Variants in SYNDIG1 observed in about 807,000 individuals in gnomAD.
The protein encoded by SYNDIG1 is synapse differentiation-inducing gene protein 1.
In SYNDIG1, 9 loss-of-function variants were observed where a neutral mutation model predicts 19.4. The observed-to-expected ratio is 0.46, with a 90% CI of 0.28 to 0.81. The LOEUF (loss-of-function observed/expected upper bound fraction) is 0.81. Among genes scored for constraint, SYNDIG1 ranks in the 30% least tolerant of loss-of-function variants. The probability of loss-of-function intolerance (pLI) is 0.12; values close to 1 mark genes in which losing one functional copy is unlikely to be tolerated. For missense variants in SYNDIG1, 311 were observed against 343.3 expected (o/e 0.91, Z 0.74); for synonymous variants, 141 against 145.9 (o/e 0.97, Z 0.24).
intron 3 of SYNDIG1, among the ~76,000 whole-genome samples, chr20:24,657,410 A>G (rs2059537753): frequency 6.6e-6 from 1 of 152,126 alleles, no homozygotes; most frequent in Non-Finnish European, 1.5e-5. Flanking sequence ...AGTGATTCAG[A>G]CCAGCAGGAG....
chr20:24,488,400 C>T (rs1211846436), intron 1 of SYNDIG1, among the ~76,000 whole-genome samples: 1 of 152,346 alleles, frequency 6.6e-6, no homozygotes, highest in East Asian at 1.9e-4. Context: ...CCCCACTTCT[C>T]TTCAGTGCTC....
intron 1 of SYNDIG1, among the ~76,000 whole-genome samples, chr20:24,528,253 A>G (rs914541064): frequency 2.6e-5 from 4 of 152,202 alleles, no homozygotes; most frequent in Non-Finnish European, 5.9e-5. Context: ...TTTCATTTGT[A>G]AAGTATCCTA....
rs73343366 is a variant in SYNDIG1 at position 24,546,848 on chromosome 20, T to C, written c.480+3271T>C. ...ACTACTGAAACAAAAGAACAGTGAA[T>C]ACTGATCTGAGCTCTTTCCAGAAGG... On this transcript the variant is annotated intron_variant, in intron 2 of 3. Transcript: ENST00000376862. Among the ~76,000 whole-genome samples, 479 of 151,992 alleles carry C rather than the reference T, an allele frequency of 3.2e-3. 4 individuals are homozygous for C. The highest frequency in any genetic ancestry group is 0.011 in the African/African-American group (462 of 41,442).
chr20:24,568,964 T>G (rs1427570181), intron 2 of SYNDIG1, among the ~76,000 whole-genome samples: 1 of 152,194 alleles, frequency 6.6e-6, no homozygotes, highest in African/African-American at 2.4e-5. Flanking sequence ...CCTGAGGGAC[T>G]CTGGGAGCAA....
intron 1 of SYNDIG1, among the ~76,000 whole-genome samples, chr20:24,487,871 G>C (rs80109724): frequency 6.6e-6 from 1 of 152,112 alleles, no homozygotes; most frequent in African/African-American, 2.4e-5. Flanking sequence ...ACAAGGAAGC[G>C]AAAGTGGCGA....
At chr20:24,511,248 T>G (rs2056736369) in intron 1 of SYNDIG1, among the ~76,000 whole-genome samples, 1 of 152,172 alleles carries the variant, frequency 6.6e-6, no homozygotes, top group Non-Finnish European at 1.5e-5. Flanking sequence ...ATTATGCATT[T>G]CCTGAAGTGA....
chr20:24,567,479 G>A (rs1175896035), intron 2 of SYNDIG1, among the ~76,000 whole-genome samples: 1 of 152,198 alleles, frequency 6.6e-6, no homozygotes, highest in African/African-American at 2.4e-5. Context: ...TCCCCAGGAT[G>A]GTAAGCCACT....
chr20:24,538,334 A>G (rs896707211), intron 1 of SYNDIG1, among the ~76,000 whole-genome samples: 2 of 152,220 alleles, frequency 1.3e-5, no homozygotes, highest in Non-Finnish European at 2.9e-5. Context: ...TAAGTACCTC[A>G]TATTGATGGA....
intron 1 of SYNDIG1, among the ~76,000 whole-genome samples, 181 bp from the exon 2 acceptor site, chr20:24,542,839 A>G (rs567513704): frequency 1.3e-5 from 2 of 152,328 alleles, no homozygotes; most frequent in African/African-American, 4.8e-5. Flanking sequence ...AACTCTGGCT[A>G]GCCGCCCCCA....
chr20:24,509,098 A>G (rs1166250381), intron 1 of SYNDIG1, among the ~76,000 whole-genome samples: 1 of 152,208 alleles, frequency 6.6e-6, no homozygotes, highest in Non-Finnish European at 1.5e-5. Flanking sequence ...CTGTAATTTT[A>G]GCAGAAACCC....
intron 1 of SYNDIG1, among the ~76,000 whole-genome samples, chr20:24,522,266 T>A (rs2057021244): frequency 6.6e-6 from 1 of 152,048 alleles, no homozygotes; most frequent in African/African-American, 2.4e-5. Context: ...GCTTTAAAAA[T>A]TTTTTGTAGA....
intron 1 of SYNDIG1, among the ~76,000 whole-genome samples, chr20:24,499,704 T>G (rs1174384304): frequency 6.6e-6 from 1 of 152,172 alleles, no homozygotes; most frequent in East Asian, 1.9e-4. Context: ...CCATTCTCCA[T>G]GCCCTGCCCG....
chr20:24,595,329 G>A (rs74508050), intron 3 of SYNDIG1, among the ~76,000 whole-genome samples: 4,660 of 152,206 alleles, frequency 0.031, 151 homozygotes, highest in African/African-American at 0.083. Context: ...GTTTGCATAC[G>A]TTGAACCAAC....
chr20:24,490,511 G>C (rs1309000500), intron 1 of SYNDIG1, among the ~76,000 whole-genome samples: 1 of 152,152 alleles, frequency 6.6e-6, no homozygotes, highest in Non-Finnish European at 1.5e-5. Flanking sequence ...CAATGTGCCC[G>C]GGCTTGGACC....
intron 3 of SYNDIG1, among the ~76,000 whole-genome samples, chr20:24,640,518 GAAGGAAGGAA>G: frequency 7.4e-6 from 1 of 135,624 alleles, no homozygotes; most frequent in East Asian, 2.8e-4. Context: ...AGGAAGGAAG[GAAGGAAGGAA>G]GGAGCTTTTC....
chr20:24,522,307 T>C (rs1286894768), intron 1 of SYNDIG1, among the ~76,000 whole-genome samples: 1 of 152,098 alleles, frequency 6.6e-6, no homozygotes, highest in African/African-American at 2.4e-5. Context: ...CACAGGCTGG[T>C]CTCCAACTCC....
At chr20:24,500,861 A>C (rs2056437432) in intron 1 of SYNDIG1, among the ~76,000 whole-genome samples, 1 of 152,176 alleles carries the variant, frequency 6.6e-6, no homozygotes, top group African/African-American at 2.4e-5. Flanking sequence ...CATAAAGCAA[A>C]ATAAATTGCA....
At chr20:24,630,034 A>G (rs1407012116) in intron 3 of SYNDIG1, among the ~76,000 whole-genome samples, 1 of 152,238 alleles carries the variant, frequency 6.6e-6, no homozygotes, top group Non-Finnish European at 1.5e-5. Context: ...CACCTGTGTG[A>G]CTGCACAGGA....
At chr20:24,632,124 G>A (rs1307380508) in intron 3 of SYNDIG1, among the ~76,000 whole-genome samples, 1 of 152,250 alleles carries the variant, frequency 6.6e-6, no homozygotes, top group African/African-American at 2.4e-5. Flanking sequence ...TGTGGAAGTG[G>A]GGGCTGTGGG....
Sources: allele counts gnomAD v4.1 joint callset (sites outside exome capture counted in the v4.1 genomes callset), GRCh38; gene constraint gnomAD v4.1.1; transcripts MANE v1.5; gene names NCBI Gene and HGNC (gene_info 2026-07-23, HGNC 2026-07-21).